The following TAX1BP1 variants were observed in gnomAD, a reference collection of about 807,000 sequenced individuals.
TAX1BP1 encodes Tax1 binding protein 1, also known as tax1-binding protein 1.
A neutral mutation model predicts 97.7 loss-of-function variants in TAX1BP1; 62 were observed. The observed-to-expected ratio is 0.63, with a 90% CI of 0.52 to 0.78. The LOEUF (loss-of-function observed/expected upper bound fraction) is 0.78, where lower values mean the gene tolerates loss of function less well. Ranked by LOEUF, TAX1BP1 falls within the 30% of genes least tolerant of loss-of-function variation. TAX1BP1 has a pLI of 0.00. For synonymous variants in TAX1BP1, 340 were observed against 304.2 expected, an observed-to-expected ratio of 1.12 and a Z score of -1.23; for missense variants, 867 against 916.1, an observed-to-expected ratio of 0.95 and a Z score of 0.69.
chr7:27,751,831 T>A (rs1046444866), intron 2 of TAX1BP1, among the ~76,000 whole-genome samples: 4 of 152,054 alleles, frequency 2.6e-5, no homozygotes, highest in Non-Finnish European at 5.9e-5. Context: ...TATTATTATT[T>A]TTTTAGAGAC....
At position 27,808,013 on chromosome 7, in the gene TAX1BP1, A is replaced by C. The variant is rs569051449; in HGVS notation, c.1764+7923A>C. 2.9e-4 allele frequency among the ~76,000 whole-genome samples: 44 copies of C among 152,234 alleles called. No individual in the cohort carries two copies. The East Asian group carries it at 7.9e-3, about 27-fold the overall frequency. On this transcript the variant is annotated intron_variant, in intron 13 of 16. Transcript: ENST00000396319. Reference sequence around the variant, plus strand: ...TTTCATTATTCTTTGAGCACTTATTACTTTCTGGTGCAGAAGGATGTTCCA... The same window carrying C: ...TTTCATTATTCTTTGAGCACTTATTCCTTTCTGGTGCAGAAGGATGTTCCA...
At chr7:27,787,301 A>G (rs1789526315) in intron 7 of TAX1BP1, 117 bp from the exon 8 acceptor site, 1 of 892,782 alleles carries the variant, frequency 1.1e-6, no homozygotes, top group Non-Finnish European at 1.6e-6. Context: ...ATCCTAGTCT[A>G]GTATGTCTTT....
chr7:27,792,820 A>G (rs1789770903), intron 9 of TAX1BP1, among the ~76,000 whole-genome samples: 1 of 152,008 alleles, frequency 6.6e-6, no homozygotes, highest in South Asian at 2.1e-4. Context: ...AAAATTACCC[A>G]GGTGTGGTGG....
At chr7:27,792,840 G>A (rs1346229090) in intron 9 of TAX1BP1, among the ~76,000 whole-genome samples, 1 of 152,072 alleles carries the variant, frequency 6.6e-6, no homozygotes, top group African/African-American at 2.4e-5. Flanking sequence ...GTGTGCAGCT[G>A]TAGTCCCAGC....
chr7:27,782,540 A>C (rs1470991495), intron 5 of TAX1BP1, among the ~76,000 whole-genome samples: 1 of 152,064 alleles, frequency 6.6e-6, no homozygotes, highest in African/African-American at 2.4e-5. Context: ...GTGAGCTGCC[A>C]CACCGGCCAA....
At chr7:27,794,271 A>T in intron 10 of TAX1BP1, 52 bp from the exon 11 acceptor site, 1 of 1,462,382 alleles carries the variant, frequency 6.8e-7, no homozygotes, top group Non-Finnish European at 9.4e-7. Flanking sequence ...TGCAAGGAGG[A>T]AATATAACTA....
At chr7:27,808,995 A>G (rs1208654799) in intron 13 of TAX1BP1, among the ~76,000 whole-genome samples, 1 of 152,228 alleles carries the variant, frequency 6.6e-6, no homozygotes, top group Non-Finnish European at 1.5e-5. Flanking sequence ...AAATGAATAG[A>G]GCAAAATGTG....
chr7:27,818,852 A>G (rs1185774199), intron 15 of TAX1BP1, among the ~76,000 whole-genome samples: 2 of 152,136 alleles, frequency 1.3e-5, no homozygotes, highest in Non-Finnish European at 2.9e-5. Context: ...GAGACAGATT[A>G]AATAGCATGC....
intron 16 of TAX1BP1, 21 bp downstream of exon 16, chr7:27,827,841 G>A (rs1791245283): frequency 6.2e-7 from 1 of 1,608,758 alleles, no homozygotes; most frequent in African/African-American, 1.3e-5. Context: ...TCTTTACTTT[G>A]TAGAATTTGG....
At chr7:27,745,200 C>T (rs1348925889) in intron 1 of TAX1BP1, among the ~76,000 whole-genome samples, 2 of 152,118 alleles carry the variant, frequency 1.3e-5, no homozygotes, top group South Asian at 2.1e-4. Flanking sequence ...GTGTACTTCT[C>T]TCCAACTGAG....
intron 5 of TAX1BP1, among the ~76,000 whole-genome samples, chr7:27,772,717 A>G (rs1287442069): frequency 6.6e-6 from 1 of 152,072 alleles, no homozygotes; most frequent in African/African-American, 2.4e-5. Flanking sequence ...ATATGTTGGG[A>G]TTATTACAAC....
intron 2 of TAX1BP1, among the ~76,000 whole-genome samples, chr7:27,750,524 C>T (rs372134691): frequency 1.3e-5 from 2 of 152,242 alleles, no homozygotes; most frequent in East Asian, 3.9e-4. Context: ...GTCAGTTTAA[C>T]TAGAGCATAA....
intron 8 of TAX1BP1, among the ~76,000 whole-genome samples, chr7:27,787,908 A>T (rs1233092691): frequency 6.6e-6 from 1 of 152,070 alleles, no homozygotes. Flanking sequence ...CATAGCCATG[A>T]CACCGTTATT....
chr7:27,787,409 C>A lies in TAX1BP1; in HGVS notation c.853-9C>A. The A allele has an allele frequency of 1.9e-6, 3 of 1,595,524 alleles. No individual in the cohort carries two copies. Among genetic ancestry groups the A allele is most frequent in the Non-Finnish European group, 2.6e-6 (3 of 1,172,720 alleles). On this transcript the variant is annotated splice_polypyrimidine_tract_variant and intron_variant, in intron 7 of 16. Coordinates refer to ENST00000396319, the MANE Select transcript of TAX1BP1 (RefSeq NM_006024.7). ...AGAATATTCTTGACATTTTCAAACA[C>A]CATTACAGGTACATTTGAAGAATAC...
intron 8 of TAX1BP1, among the ~76,000 whole-genome samples, chr7:27,788,870 A>G (rs1056000388): frequency 6.6e-5 from 10 of 152,042 alleles, no homozygotes; most frequent in Middle Eastern, 3.4e-3. Flanking sequence ...ACTGGATCCT[A>G]TTGCTACTAT....
At chr7:27,748,770 C>G in intron 2 of TAX1BP1, 84 bp downstream of exon 2, 3 of 1,085,334 alleles carry the variant, frequency 2.8e-6, no homozygotes, top group Non-Finnish European at 3.7e-6. Flanking sequence ...TTTTACTTGC[C>G]TTAACTCTGC....
chr7:27,823,557 T>C (rs1228179390), intron 15 of TAX1BP1, among the ~76,000 whole-genome samples: 1 of 152,322 alleles, frequency 6.6e-6, no homozygotes, highest in East Asian at 1.9e-4. Flanking sequence ...ATGATACAGA[T>C]TATGTAACTC....
At chr7:27,800,246 T>A (rs1045510544) in intron 13 of TAX1BP1, among the ~76,000 whole-genome samples, 156 bp downstream of exon 13, 12 of 152,242 alleles carry the variant, frequency 7.9e-5, no homozygotes, top group Non-Finnish European at 1.5e-4. Flanking sequence ...ACATAAATAC[T>A]GTTCATTAAC....
intron 13 of TAX1BP1, among the ~76,000 whole-genome samples, chr7:27,801,577 C>T (rs893095282): frequency 3.3e-5 from 5 of 151,938 alleles, no homozygotes; most frequent in African/African-American, 7.3e-5. Flanking sequence ...ATTATGTGGG[C>T]GATCACATAA....
Sources: gnomAD v4.1 joint callset for allele counts (sites outside exome capture counted in the v4.1 genomes callset) on GRCh38, gnomAD v4.1.1 for gene constraint, MANE v1.5 for transcripts, NCBI Gene and HGNC (gene_info 2026-07-23, HGNC 2026-07-21) for gene names.